The following DTD1 variants were observed in gnomAD, a reference collection of about 807,000 sequenced individuals.
DTD1 encodes the protein D-aminoacyl-tRNA deacylase 1.
A neutral mutation model predicts 25.6 loss-of-function variants in DTD1; 13 were observed. The observed-to-expected ratio is 0.51, with a 90% CI of 0.33 to 0.81. DTD1 has a LOEUF of 0.81. DTD1 is among the 30% of genes least tolerant of loss of function. DTD1 has a pLI of 0.02. For synonymous variants in DTD1, 110 were observed against 103.6 expected (o/e 1.06, Z -0.37); for missense variants, 193 against 266.4 (o/e 0.72, Z 1.92).
intron 4 of DTD1, among the ~76,000 whole-genome samples, chr20:18,731,811 C>T (rs1439490453): frequency 5.9e-5 from 9 of 152,190 alleles, no homozygotes; most frequent in African/African-American, 2.2e-4. Flanking sequence ...ATCCTATAAT[C>T]TTTGTTGCTG....
intron 3 of DTD1, among the ~76,000 whole-genome samples, chr20:18,610,828 C>T (rs2060683715): frequency 9.0e-6 from 1 of 111,728 alleles, no homozygotes; most frequent in South Asian, 3.2e-4. Context: ...GGGAGGATCG[C>T]TTTCACACAG....
chr20:18,654,262 T>A (rs1247454914), intron 4 of DTD1, among the ~76,000 whole-genome samples: 1 of 152,206 alleles, frequency 6.6e-6, no homozygotes, highest in African/African-American at 2.4e-5. Context: ...GGAGATCTGA[T>A]GGTTTTATAA....
At chr20:18,708,232 T>G (rs78250977) in intron 4 of DTD1, among the ~76,000 whole-genome samples, 346 of 22,258 alleles carry the variant, frequency 0.016, 20 homozygotes, top group East Asian at 0.038. Context: ...TATATATATT[T>G]TATATATATA....
At chr20:18,626,488 T>G (rs915584127) in intron 3 of DTD1, among the ~76,000 whole-genome samples, 3 of 152,250 alleles carry the variant, frequency 2.0e-5, no homozygotes, top group African/African-American at 7.2e-5. Context: ...CCTGCAGCTC[T>G]GGGTAGAAAG....
At chr20:18,624,113 T>A (rs560639154) in intron 3 of DTD1, among the ~76,000 whole-genome samples, 33 of 152,090 alleles carry the variant, frequency 2.2e-4, no homozygotes, top group African/African-American at 6.5e-4. Context: ...CTGTCTTTTG[T>A]CCTTGGAGGC....
At chr20:18,685,174 C>T (rs1231644019) in intron 4 of DTD1, among the ~76,000 whole-genome samples, 1 of 152,150 alleles carries the variant, frequency 6.6e-6, no homozygotes, top group Non-Finnish European at 1.5e-5. Context: ...CAAATGTGAG[C>T]CATTGCACCC....
At chr20:18,630,589 C>T (rs1417187472) in intron 4 of DTD1, 2 of 150,558 alleles carry the variant, frequency 1.3e-5, no homozygotes, top group Admixed American at 6.6e-5. Flanking sequence ...GTCTCGATCT[C>T]CTGCCCTGGT....
intron 2 of DTD1, among the ~76,000 whole-genome samples, chr20:18,595,142 A>G (rs2060605303): frequency 6.6e-6 from 1 of 152,180 alleles, no homozygotes; most frequent in South Asian, 2.1e-4. Flanking sequence ...CTTCACATGT[A>G]TAGGGAAAGC....
At chr20:18,635,386 C>T (rs530876544) in intron 4 of DTD1, among the ~76,000 whole-genome samples, 2 of 152,322 alleles carry the variant, frequency 1.3e-5, no homozygotes, top group African/African-American at 2.4e-5. Context: ...CATGGAAGGC[C>T]TCCTACCAGG....
chr20:18,661,151 C>T (rs2060908241), intron 4 of DTD1, among the ~76,000 whole-genome samples: 1 of 152,150 alleles, frequency 6.6e-6, no homozygotes, highest in Admixed American at 6.5e-5. Flanking sequence ...ACTGTAGCTT[C>T]ATAGTAAGCC....
At chr20:18,698,511 T>C (rs1234581214) in intron 4 of DTD1, 1 of 152,262 alleles carries the variant, frequency 6.6e-6, no homozygotes, top group Non-Finnish European at 1.5e-5. Context: ...TGGGAAACCA[T>C]TGACTGTTTC....
chr20:18,675,207 T>C (rs2060965595), intron 4 of DTD1: 1 of 152,260 alleles, frequency 6.6e-6, no homozygotes, highest in Non-Finnish European at 1.5e-5. Flanking sequence ...CAGGGCTGCT[T>C]GAATGTCCTC....
At chr20:18,632,499 C>G in intron 4 of DTD1, 1 of 985,434 alleles carries the variant, frequency 1.0e-6, no homozygotes, top group Non-Finnish European at 1.2e-6. Context: ...CCTCTTGGAG[C>G]AAATAGCTAA....
chr20:18,612,898 A>G lies in DTD1; in HGVS notation c.371-15229A>G, dbSNP rs557342174. On this transcript the variant is annotated intron_variant, in intron 3 of 5. Transcript: ENST00000377452. The stretch of plus-strand genomic sequence containing the variant: ...GGTCTGGAACTCCTGACCTCAAGTG[A>G]TCTGCACACTTCCGCCTCCCAAAGT... Among the ~76,000 whole-genome samples, 9 of 152,252 alleles carry G rather than the reference A, an allele frequency of 5.9e-5. No individual in the cohort carries two copies. In the East Asian group the frequency reaches 1.5e-3, roughly 26 times the overall value.
At chr20:18,647,566 T>A (rs1364635186) in intron 4 of DTD1, among the ~76,000 whole-genome samples, 3 of 151,750 alleles carry the variant, frequency 2.0e-5, no homozygotes, top group Non-Finnish European at 2.9e-5. Context: ...GCCCAGAAGA[T>A]CAGGACACGA....
Position 18,749,334 on chromosome 20 carries a change from T to TG in DTD1, c.*19+5067dup, listed in dbSNP as rs2061313153. On this transcript the variant is annotated intron_variant, in intron 5 of 5. Coordinates refer to ENST00000377452, the MANE Select transcript of DTD1 (RefSeq NM_080820.6). The surrounding 1 kb of genome is among the most constrained non-coding windows in gnomAD (Gnocchi z 4.2). ...GTGAGAGTGCTGCTCAGCATCGCCGTGGGGTGGGGAAGGCTCCAGAGGGTG... is the reference window on the plus strand; with the variant it reads ...GTGAGAGTGCTGCTCAGCATCGCCGTGGGGGTGGGGAAGGCTCCAGAGGGTG... Among the ~76,000 whole-genome samples, 1 of 151,800 alleles carries TG rather than the reference T, an allele frequency of 6.6e-6. No individual in the cohort carries two copies. The highest frequency in any genetic ancestry group is 2.1e-4 in the South Asian group (1 of 4,806).
chr20:18,719,322 CT>C (rs767010169), intron 4 of DTD1, among the ~76,000 whole-genome samples: 4 of 152,012 alleles, frequency 2.6e-5, no homozygotes, highest in Admixed American at 1.3e-4. Context: ...CTACCCTAAC[CT>C]ATTTCCTAAA....
chr20:18,611,677 C>G (rs937732190), intron 3 of DTD1, among the ~76,000 whole-genome samples: 3 of 152,104 alleles, frequency 2.0e-5, no homozygotes, highest in Non-Finnish European at 4.4e-5. Flanking sequence ...CAGCTCTTCC[C>G]ACATGGTCCC....
chr20:18,721,641 C>T (rs948643103), intron 4 of DTD1, among the ~76,000 whole-genome samples: 2 of 152,100 alleles, frequency 1.3e-5, no homozygotes, highest in African/African-American at 4.8e-5. Context: ...ACGATCTGTT[C>T]TTTGAATGTT....
Sources: gnomAD v4.1 joint callset for allele counts (sites outside exome capture counted in the v4.1 genomes callset) on GRCh38, gnomAD v4.1.1 for gene constraint, Gnocchi (gnomAD v3.1) non-coding constraint, MANE v1.5 for transcripts, NCBI Gene and HGNC (gene_info 2026-07-23, HGNC 2026-07-21) for gene names.